Variants in KCND3 observed in about 807,000 individuals in gnomAD.
KCND3 encodes the protein A-type voltage-gated potassium channel KCND3.
A neutral mutation model predicts 51.1 loss-of-function variants in KCND3; 9 were observed. The ratio of observed to expected loss-of-function variants is 0.18; its 90% CI spans 0.11 to 0.31. The LOEUF is 0.31. Among genes scored for constraint, KCND3 ranks in the 10% least tolerant of loss-of-function variants. KCND3 has a pLI of 1.00. For synonymous variants in KCND3, 349 were observed against 368.0 expected, an observed-to-expected ratio of 0.95 and a Z score of 0.59; for missense variants, 526 against 903.8, an observed-to-expected ratio of 0.58 and a Z score of 5.36.
intron 2 of KCND3, among the ~76,000 whole-genome samples, chr1:111,906,346 C>T (rs576853681): frequency 1.3e-5 from 2 of 152,296 alleles, no homozygotes; most frequent in East Asian, 3.9e-4. Context: ...AGCGTCTTAC[C>T]TGGCAACATC....
At chr1:111,880,283 C>T (rs1264917961) in intron 2 of KCND3, among the ~76,000 whole-genome samples, 1 of 152,150 alleles carries the variant, frequency 6.6e-6, no homozygotes, top group Non-Finnish European at 1.5e-5. Flanking sequence ...GGTCTTGGTC[C>T]TCAAGGACTT....
chr1:111,881,942 T>C (rs1669349836), intron 2 of KCND3, among the ~76,000 whole-genome samples: 1 of 152,036 alleles, frequency 6.6e-6, no homozygotes, highest in Non-Finnish European at 1.5e-5. Flanking sequence ...AGTCACATGG[T>C]TCTGAGGGGG....
chr1:111,857,765 T>A (rs577549050), intron 2 of KCND3, among the ~76,000 whole-genome samples: 1 of 151,802 alleles, frequency 6.6e-6, no homozygotes, highest in Admixed American at 6.6e-5. Flanking sequence ...GATCCCCCTA[T>A]CTAAAGAGCC....
intron 2 of KCND3, among the ~76,000 whole-genome samples, chr1:111,838,394 A>C (rs941802845): frequency 2.6e-5 from 4 of 152,226 alleles, no homozygotes; most frequent in Admixed American, 2.6e-4. Context: ...TATAAAAAAC[A>C]CAACAGACAT....
intron 2 of KCND3, among the ~76,000 whole-genome samples, chr1:111,801,002 G>A (rs915509709): frequency 6.6e-5 from 10 of 152,242 alleles, no homozygotes; most frequent in Admixed American, 2.0e-4. Flanking sequence ...CTGGTCAAGC[G>A]GTGGAGCCCT....
In KCND3 at chr1:111,981,728, G is replaced by A. The variant is rs1250316713; in HGVS notation, c.999C>T (p.Ile333=). 38 of 1,614,074 alleles carry A rather than the reference G, an allele frequency of 2.4e-5. No homozygotes were observed. The highest frequency in any genetic ancestry group is 3.1e-5 in the Non-Finnish European group (36 of 1,180,042). The change falls in exon 2 of 8, where the codon ATC becomes ATT. Residue 333 remains isoleucine, a synonymous_variant. Coordinates refer to ENST00000302127, the MANE Select transcript of KCND3 (RefSeq NM_001378969.1). This position sits in a 1 kb window ranked among gnomAD's most constrained non-coding sequence, Gnocchi z 6.2. ...FLLFSLTMAI[I]IFATVMFYAE... ...CATAAAACATCACAGTGGCAAAGAT[G>A]ATGATGGCCATGGTGAGGGAGAAGA...
intron 2 of KCND3, among the ~76,000 whole-genome samples, chr1:111,962,102 C>T (rs138298748): frequency 1.3e-5 from 2 of 152,226 alleles, no homozygotes; most frequent in Non-Finnish European, 2.9e-5. Context: ...AGACTGGGCA[C>T]GCACATGTGC....
intron 2 of KCND3, among the ~76,000 whole-genome samples, chr1:111,844,971 T>C (rs1667482711): frequency 6.6e-6 from 1 of 152,228 alleles, no homozygotes; most frequent in South Asian, 2.1e-4. Flanking sequence ...ACACCTCTCT[T>C]GACCCTGCAT....
chr1:111,819,032 G>A (rs992651562), intron 2 of KCND3, among the ~76,000 whole-genome samples: 21 of 152,138 alleles, frequency 1.4e-4, no homozygotes, highest in South Asian at 6.2e-4. Context: ...GTCTTGCTCC[G>A]TTGCCCGGGC....
At chr1:111,807,470 G>C (rs1458087472) in intron 2 of KCND3, among the ~76,000 whole-genome samples, 3 of 152,198 alleles carry the variant, frequency 2.0e-5, no homozygotes, top group Non-Finnish European at 4.4e-5. Flanking sequence ...GAGGTCAGGG[G>C]TCTGAGACCA....
At chr1:111,821,687 T>A (rs1171558976) in intron 2 of KCND3, among the ~76,000 whole-genome samples, 1 of 152,130 alleles carries the variant, frequency 6.6e-6, no homozygotes, top group Admixed American at 6.5e-5. Context: ...GAGGCCCAGT[T>A]AGTGTCTTCT....
chr1:111,959,148 A>G (rs903072224), intron 2 of KCND3, among the ~76,000 whole-genome samples: 2 of 152,206 alleles, frequency 1.3e-5, no homozygotes, highest in African/African-American at 2.4e-5. Flanking sequence ...AATGTGTTGC[A>G]TGCACAGTTA....
At chr1:111,812,813 A>G (rs930428268) in intron 2 of KCND3, among the ~76,000 whole-genome samples, 2 of 152,230 alleles carry the variant, frequency 1.3e-5, no homozygotes, top group African/African-American at 2.4e-5. Context: ...GGCTGGCAGA[A>G]GAAGCCAGAG....
intron 2 of KCND3, among the ~76,000 whole-genome samples, chr1:111,872,554 T>C (rs1011785858): frequency 6.6e-6 from 1 of 152,162 alleles, no homozygotes; most frequent in Non-Finnish European, 1.5e-5. Flanking sequence ...ATCAGATACA[T>C]GAGGAGGCTG....
chr1:111,917,455 T>C (rs1671272784), intron 2 of KCND3, among the ~76,000 whole-genome samples: 1 of 152,162 alleles, frequency 6.6e-6, no homozygotes, highest in Admixed American at 6.5e-5. Flanking sequence ...CTCACTATTA[T>C]TGTTAATTCA....
intron 2 of KCND3, among the ~76,000 whole-genome samples, chr1:111,888,407 C>T (rs1053035243): frequency 1.3e-5 from 2 of 152,108 alleles, no homozygotes; most frequent in Non-Finnish European, 2.9e-5. Context: ...ACAGTGAGGC[C>T]GGGTATGGTG....
intron 2 of KCND3, among the ~76,000 whole-genome samples, chr1:111,809,393 C>G (rs944786585): frequency 1.3e-5 from 2 of 151,924 alleles, no homozygotes; most frequent in Non-Finnish European, 2.9e-5. Context: ...ACTGCAAGCT[C>G]CGCCTCCCAG....
chr1:111,773,425 C>CTTTTTTT lies in KCND3; in HGVS notation c.*2645_*2651dup, dbSNP rs5777080. 2 of 124,508 alleles carry CTTTTTTT rather than the reference C, an allele frequency of 1.6e-5. No homozygotes were observed. Among genetic ancestry groups the CTTTTTTT allele is most frequent in the African/African-American group, 3.1e-5 (1 of 32,608 alleles). The allele number at this position is 124,508 out of a possible 1,614,324, so 7.7% of individuals were successfully genotyped here. On this transcript the variant is annotated 3_prime_UTR_variant, in exon 8 of 8. Coordinates refer to ENST00000302127, the MANE Select transcript of KCND3 (RefSeq NM_001378969.1). ...TTTACCTCCTTTTTTTTTTTCTTTTCTTTTTTTTTTTTTTGAGACGGAGTC... is the reference window on the plus strand; with the variant it reads ...TTTACCTCCTTTTTTTTTTTCTTTTCTTTTTTTTTTTTTTTTTTTTTGAGACGGAGTC...
At chr1:111,947,996 T>A (rs773091132) in intron 2 of KCND3, among the ~76,000 whole-genome samples, 9 of 152,142 alleles carry the variant, frequency 5.9e-5, no homozygotes, top group Non-Finnish European at 1.0e-4. Flanking sequence ...AGGGACAGGT[T>A]GTACAGGCCT....
Sources: allele counts gnomAD v4.1 joint callset (sites outside exome capture counted in the v4.1 genomes callset), GRCh38; gene constraint gnomAD v4.1.1; non-coding constraint Gnocchi (gnomAD v3.1); transcripts MANE v1.5; gene names NCBI Gene and HGNC (gene_info 2026-07-23, HGNC 2026-07-21).